The following CREBBP variants were observed in gnomAD, a reference collection of about 807,000 sequenced individuals.
CREBBP encodes CREB binding lysine acetyltransferase, also known as CREB-binding protein.
CREBBP carries 19 observed loss-of-function variants against 265.0 expected under a neutral mutation model. The observed-to-expected ratio is 0.07, with a 90% CI of 0.05 to 0.11. The LOEUF (loss-of-function observed/expected upper bound fraction) is 0.11, where lower values mean the gene tolerates loss of function less well. CREBBP is among the 10% of genes least tolerant of loss of function. The pLI is 1.00. For missense variants in CREBBP, 2,525 were observed against 3,219.0 expected, an observed-to-expected ratio of 0.78 and a Z score of 5.22; for synonymous variants, 1,457 against 1,223.7, an observed-to-expected ratio of 1.19 and a Z score of -3.98.
At chr16:3,878,874 T>C (rs2055457500) in intron 1 of CREBBP, among the ~76,000 whole-genome samples, 1 of 152,190 alleles carries the variant, frequency 6.6e-6, no homozygotes, top group Non-Finnish European at 1.5e-5. Context: ...GGACCCAGAA[T>C]TACTGAATTA....
chr16:3,870,282 G>A (rs895779135), intron 1 of CREBBP, among the ~76,000 whole-genome samples: 35 of 152,194 alleles, frequency 2.3e-4, no homozygotes, highest in Admixed American at 2.3e-3. Context: ...TTCAAGATCT[G>A]TGTAGCTGAG....
At chr16:3,787,270 T>G (rs2053409256) in intron 5 of CREBBP, among the ~76,000 whole-genome samples, 1 of 152,124 alleles carries the variant, frequency 6.6e-6, no homozygotes, top group African/African-American at 2.4e-5. Flanking sequence ...CTCAGCCTCC[T>G]ATCAGGCACG....
rs1220639804 is a variant in CREBBP at position 3,758,113 on chromosome 16, G to A, written c.3370-65C>T. 5 of 1,562,478 alleles carry A rather than the reference G, an allele frequency of 3.2e-6. No individual in the cohort carries two copies. In the East Asian group the frequency reaches 1.1e-4, roughly 35 times the overall value. The stretch of plus-strand genomic sequence containing the variant: ...CAATATCCAAATGCCAGTCTCATCT[G>A]GCAGCTTTGTTTTAAAATAATAGAA... On this transcript the variant is annotated intron_variant, in intron 17 of 30. Transcript: ENST00000262367.
chr16:3,785,555 T>A (rs1378384849), intron 5 of CREBBP, among the ~76,000 whole-genome samples: 1 of 152,214 alleles, frequency 6.6e-6, no homozygotes, highest in Non-Finnish European at 1.5e-5. Flanking sequence ...CGTAACCTGC[T>A]GTGCAGAGTC....
intron 2 of CREBBP, among the ~76,000 whole-genome samples, chr16:3,826,822 T>C (rs1274660081): frequency 6.6e-6 from 1 of 152,182 alleles, no homozygotes; most frequent in Admixed American, 6.5e-5. Flanking sequence ...TAAAGGAAAT[T>C]TGATTAAAGT....
At chr16:3,879,261 C>A (rs1045483641) in intron 1 of CREBBP, among the ~76,000 whole-genome samples, 33 of 131,344 alleles carry the variant, frequency 2.5e-4, no homozygotes, top group South Asian at 2.0e-3. Flanking sequence ...CACACACACA[C>A]AAAACAAGGA....
rs928362894 is a variant in CREBBP, at chr16:3,725,779, CTG to C, written c.*1937_*1938del. 9 of 233,266 alleles carry C rather than the reference CTG, an allele frequency of 3.9e-5. No homozygotes were observed. The highest frequency in any genetic ancestry group is 6.8e-5 in the Non-Finnish European group (8 of 118,038). 14.4% of individuals were successfully genotyped at this position (233,266 alleles called of 1,614,324 possible). A position where few individuals can be genotyped will look rare whatever the true frequency, so the allele number is the denominator to read the frequency against. On this transcript the variant is annotated 3_prime_UTR_variant, in exon 31 of 31. Transcript: ENST00000262367. ...AAGTATTCAGCTATTTAAAACCTATCTGTGAATGTAAGGGCCCAAACGGAAGC... is the reference window on the plus strand; with the variant it reads ...AAGTATTCAGCTATTTAAAACCTATCTGAATGTAAGGGCCCAAACGGAAGC...
Position 3,880,075 on chromosome 16 carries a change from G to A in CREBBP, c.-159C>T. ...GGAGAGGGAGGGCGCAGGCCGGGTG[G>A]GGGAGGCGGCGGCCAAATCTCAGCC... On this transcript the variant is annotated 5_prime_UTR_variant, in exon 1 of 31. Transcript: ENST00000262367. The A allele has an allele frequency of 2.6e-6, 1 of 377,618 alleles. No homozygotes were observed. The highest frequency in any genetic ancestry group is 4.3e-6 in the Non-Finnish European group (1 of 232,852). The allele number at this position is 377,618 out of a possible 1,614,324, so 23.4% of individuals were successfully genotyped here.
chr16:3,748,022 G>A (rs2052384856), intron 21 of CREBBP, among the ~76,000 whole-genome samples: 4 of 152,202 alleles, frequency 2.6e-5, no homozygotes, highest in South Asian at 2.1e-4. Flanking sequence ...CCCGGGAGAC[G>A]GAGGTTGCGG....
In CREBBP at chr16:3,729,885, G is replaced by T. The variant is rs568538276; in HGVS notation, c.5173-11C>A. On this transcript the variant is annotated splice_polypyrimidine_tract_variant and intron_variant, in intron 30 of 30. Transcript: ENST00000262367. ...GCAGAGGTCGTAGTCCTGCAAGCAAGGAAAGGGGACAGGCCGGTGTCAGCA... is the reference window on the plus strand; with the variant it reads ...GCAGAGGTCGTAGTCCTGCAAGCAATGAAAGGGGACAGGCCGGTGTCAGCA... The T allele has an allele frequency of 6.2e-7, 1 of 1,600,230 alleles. No homozygotes were observed. The highest frequency in any genetic ancestry group is 8.5e-7 in the Non-Finnish European group (1 of 1,179,892).
At chr16:3,750,908 G>A (rs766706642) in intron 20 of CREBBP, among the ~76,000 whole-genome samples, 5 of 152,188 alleles carry the variant, frequency 3.3e-5, no homozygotes, top group Non-Finnish European at 7.3e-5. Flanking sequence ...TGCCAGTTCT[G>A]CAAATGGGGA....
chr16:3,861,760 T>G lies in CREBBP; in HGVS notation c.86-10751A>C, dbSNP rs573039938. On this transcript the variant is annotated intron_variant, in intron 1 of 30. Transcript: ENST00000262367. ...ACAAGTTCCCAAAAGACATCTAACT[T>G]TTTTTTTTTTTTTTACAATGACTAT... Among the ~76,000 whole-genome samples the G allele has an allele frequency of 1.3e-4, 18 of 138,554 alleles. No individual in the cohort carries two copies. The East Asian group carries it at 3.2e-3, about 25-fold the overall frequency. 90.9% of individuals were successfully genotyped at this position (138,554 alleles called of 152,430 possible). A position where few individuals can be genotyped will look rare whatever the true frequency, so the allele number is the denominator to read the frequency against.
At position 3,773,601 on chromosome 16, in the gene CREBBP, G is replaced by A. The variant is rs999494249; in HGVS notation, c.2463+150C>T. The A allele has an allele frequency of 1.1e-5, 9 of 814,774 alleles. No individual in the cohort carries two copies. The Admixed American group carries it at 2.3e-4, about 21-fold the overall frequency. 50.5% of individuals were successfully genotyped at this position (814,774 alleles called of 1,614,324 possible). On this transcript the variant is annotated intron_variant, in intron 13 of 30. Coordinates refer to ENST00000262367, the MANE Select transcript of CREBBP (RefSeq NM_004380.3). ...AACGAGTTAAGGACTACAGGACAAA[G>A]GTGGAGAAAACAAAGAGAAGCTGAT...
chr16:3,741,831 T>C (rs2052218532), intron 23 of CREBBP: 1 of 152,162 alleles, frequency 6.6e-6, no homozygotes, highest in Non-Finnish European at 1.5e-5. Context: ...ATTCCAGCAT[T>C]TTGGGAGGCC....
chr16:3,776,471 C>T (rs1035765787), intron 11 of CREBBP, among the ~76,000 whole-genome samples: 6 of 152,204 alleles, frequency 3.9e-5, no homozygotes. Context: ...ACACCCCAAC[C>T]TGGCACAGGA....
Position 3,729,006 on chromosome 16 carries a change from G to T in CREBBP, c.6041C>A (p.Pro2014His). The change falls in exon 31 of 31, where the codon CCC (proline) becomes CAC (histidine). Residue 2014 changes from proline to histidine, a missense_variant. Pro to His is a moderately conservative substitution (Grantham distance 77). Transcript: ENST00000262367. ...CTGCCACTGCCCGGGAGGCATGCTGGGCATGACGGGCCCGCTCACCTGGTT... is the reference window on the plus strand; with the variant it reads ...CTGCCACTGCCCGGGAGGCATGCTGTGCATGACGGGCCCGCTCACCTGGTT... ...RPNQVSGPVM[P>H]SMPPGQWQQA... 3 of 1,593,228 alleles carry T rather than the reference G, an allele frequency of 1.9e-6. No individual in the cohort carries two copies. Among genetic ancestry groups the T allele is most frequent in the Non-Finnish European group, 8.5e-7 (1 of 1,175,368 alleles).
At chr16:3,834,013 G>A (rs1184012491) in intron 2 of CREBBP, among the ~76,000 whole-genome samples, 4 of 152,122 alleles carry the variant, frequency 2.6e-5, no homozygotes, top group Non-Finnish European at 2.9e-5. Flanking sequence ...GCAAATAAGC[G>A]TATGAAAAGA....
At chr16:3,793,731 CCA>C in intron 3 of CREBBP, 105 bp from the exon 4 acceptor site, 1 of 1,354,624 alleles carries the variant, frequency 7.4e-7, no homozygotes, top group Non-Finnish European at 1.0e-6. Flanking sequence ...ATAATACCGA[CCA>C]CAGAGAGAAG....
At chr16:3,746,528 G>C (rs369256591) in intron 21 of CREBBP, among the ~76,000 whole-genome samples, 102 of 152,276 alleles carry the variant, frequency 6.7e-4, no homozygotes, top group African/African-American at 2.4e-3. Flanking sequence ...CAGCCACTGA[G>C]CTCATCCCCA....
Sources: gnomAD v4.1 joint callset for allele counts (sites outside exome capture counted in the v4.1 genomes callset) on GRCh38, gnomAD v4.1.1 for gene constraint, MANE v1.5 for transcripts, NCBI Gene and HGNC (gene_info 2026-07-23, HGNC 2026-07-21) for gene names.